Variants in MVB12B observed in about 807,000 individuals in gnomAD.
MVB12B encodes multivesicular body subunit 12B.
Under a neutral mutation model 41.6 loss-of-function variants are expected in MVB12B, and 16 were observed. The ratio of observed to expected loss-of-function variants is 0.38; its 90% CI spans 0.26 to 0.58. The LOEUF is 0.58. Among genes scored for constraint, MVB12B ranks in the 20% least tolerant of loss-of-function variants. The pLI is 0.62. For synonymous variants in MVB12B, 133 were observed against 139.7 expected (o/e 0.95, Z 0.34); for missense variants, 274 against 380.2 (o/e 0.72, Z 2.32).
chr9:126,484,257 C>G (rs1833588193), intron 9 of MVB12B, among the ~76,000 whole-genome samples: 1 of 152,258 alleles, frequency 6.6e-6, no homozygotes, highest in Non-Finnish European at 1.5e-5. Flanking sequence ...CACATCTTGT[C>G]TTCTCTAAGT....
At chr9:126,434,526 G>A (rs1051052660) in intron 7 of MVB12B, among the ~76,000 whole-genome samples, 5 of 152,150 alleles carry the variant, frequency 3.3e-5, no homozygotes, top group Non-Finnish European at 5.9e-5. Context: ...CCTAAGCATC[G>A]CTTCTGGTGA....
chr9:126,387,108 T>C (rs1319631418), intron 4 of MVB12B, among the ~76,000 whole-genome samples: 3 of 152,220 alleles, frequency 2.0e-5, no homozygotes, highest in Middle Eastern at 3.4e-3. Context: ...TCAAAAAGAC[T>C]GCAAATTAAA....
intron 7 of MVB12B, among the ~76,000 whole-genome samples, chr9:126,427,261 A>C (rs1327757604): frequency 6.6e-6 from 1 of 152,106 alleles, no homozygotes; most frequent in Non-Finnish European, 1.5e-5. Context: ...ATGAATCTAA[A>C]ATGTCTGAAA....
chr9:126,340,581 G>C lies in MVB12B; in HGVS notation c.155G>C (p.Gly52Ala), dbSNP rs754094585. The C allele has an allele frequency of 3.7e-6, 6 of 1,614,102 alleles. No individual in the cohort carries two copies. Among genetic ancestry groups the C allele is most frequent in the Non-Finnish European group, 5.1e-6 (6 of 1,180,030 alleles). ...GAAACGTCAATGGATCCCATCACGG[G>C]AGTCGGGGTGGTGGCTTCTCGGAAC... The part of the protein sequence containing the change: ...LPETSMDPIT[G>A]VGVVASRNRA... Residue 52 changes from glycine to alanine, a missense_variant, in exon 2 of 10, where the codon GGA becomes GCA. Transcript: ENST00000361171. This position sits in a 1 kb window ranked among gnomAD's most constrained non-coding sequence, Gnocchi z 4.0.
intron 7 of MVB12B, among the ~76,000 whole-genome samples, chr9:126,465,989 AAG>A (rs1308554043): frequency 2.0e-5 from 3 of 152,206 alleles, no homozygotes; most frequent in Admixed American, 6.5e-5. Context: ...TAAAGATACA[AAG>A]AGAGCAGTTT....
intron 2 of MVB12B, 60 bp from the exon 3 acceptor site, chr9:126,381,004 G>A (rs1830620454): frequency 5.9e-6 from 8 of 1,365,132 alleles, no homozygotes; most frequent in South Asian, 2.3e-5. Flanking sequence ...AGTGGCCCAC[G>A]CGCACCTTCA....
At chr9:126,434,379 C>G (rs1275105878) in intron 7 of MVB12B, among the ~76,000 whole-genome samples, 1 of 152,190 alleles carries the variant, frequency 6.6e-6, no homozygotes, top group Non-Finnish European at 1.5e-5. Context: ...ATACAGAACT[C>G]TCCTCCAAGG....
chr9:126,488,054 G>A (rs961788401), intron 9 of MVB12B, among the ~76,000 whole-genome samples: 2 of 152,164 alleles, frequency 1.3e-5, no homozygotes, highest in South Asian at 2.1e-4. Flanking sequence ...GCTTTTCTCC[G>A]TAAATAAACC....
chr9:126,450,148 G>A (rs1832862675), intron 7 of MVB12B, among the ~76,000 whole-genome samples: 1 of 152,226 alleles, frequency 6.6e-6, no homozygotes, highest in Non-Finnish European at 1.5e-5. Flanking sequence ...CCCAAAGCCT[G>A]GGAGGGCCCA....
chr9:126,346,000 C>T (rs750053888), intron 2 of MVB12B, among the ~76,000 whole-genome samples: 1 of 152,188 alleles, frequency 6.6e-6, no homozygotes, highest in Non-Finnish European at 1.5e-5. Context: ...GGCTGGGCTC[C>T]ATCAGGTGAG....
chr9:126,423,379 T>C (rs1832080805), intron 7 of MVB12B, among the ~76,000 whole-genome samples: 1 of 152,264 alleles, frequency 6.6e-6, no homozygotes, highest in Admixed American at 6.5e-5. Flanking sequence ...GGAACACTGC[T>C]GTCTGCCTCT....
intron 2 of MVB12B, among the ~76,000 whole-genome samples, chr9:126,355,898 A>G (rs1393414038): frequency 3.3e-5 from 5 of 152,208 alleles, no homozygotes; most frequent in Non-Finnish European, 5.9e-5. Context: ...AAACATTTTT[A>G]TCACCCCAAA....
chr9:126,430,564 G>C (rs762573486), intron 7 of MVB12B, among the ~76,000 whole-genome samples: 1 of 149,828 alleles, frequency 6.7e-6, no homozygotes, highest in Non-Finnish European at 1.5e-5. Context: ...TAGAGAGAAT[G>C]GAGGCTCCCC....
intron 9 of MVB12B, among the ~76,000 whole-genome samples, chr9:126,487,622 A>G (rs1833647045): frequency 1.3e-5 from 2 of 152,140 alleles, no homozygotes; most frequent in African/African-American, 4.8e-5. Flanking sequence ...AAAAATAGCC[A>G]GGCTTGGTGG....
chr9:126,483,371 A>G (rs1588205891), intron 8 of MVB12B, among the ~76,000 whole-genome samples: 1 of 152,238 alleles, frequency 6.6e-6, no homozygotes, highest in African/African-American at 2.4e-5. Flanking sequence ...AAAAACTCTC[A>G]TTAAAATGCA....
intron 7 of MVB12B, among the ~76,000 whole-genome samples, chr9:126,452,025 C>T (rs1484225330): frequency 6.6e-6 from 1 of 152,172 alleles, no homozygotes; most frequent in Non-Finnish European, 1.5e-5. Context: ...CAAGTTGAAC[C>T]GTACCATCAA....
At chr9:126,381,236 T>C (rs923317491) in intron 3 of MVB12B, 65 bp downstream of exon 3, 2 of 1,157,590 alleles carry the variant, frequency 1.7e-6, no homozygotes, top group East Asian at 2.4e-5. Flanking sequence ...TGTTTGGAAT[T>C]TCCTCATTTT....
intron 7 of MVB12B, among the ~76,000 whole-genome samples, chr9:126,452,839 T>C (rs933214793): frequency 7.2e-5 from 11 of 151,872 alleles, no homozygotes; most frequent in African/African-American, 2.7e-4. Context: ...AAAGAAAAAA[T>C]AAATGAAATG....
chr9:126,386,447 C>T lies in MVB12B; in HGVS notation c.313-115C>T. The T allele has an allele frequency of 1.5e-6, 1 of 677,982 alleles. No individual in the cohort carries two copies. The allele number at this position is 677,982 out of a possible 1,614,324, so 42.0% of individuals were successfully genotyped here. ...AGTGTCACCTACTCTAATTAACCTG[C>T]TGTCATAAAGCTGCACGAGTCATTG... On this transcript the variant is annotated intron_variant, in intron 3 of 9. Transcript: ENST00000361171. This position sits in a 1 kb window ranked among gnomAD's most constrained non-coding sequence, Gnocchi z 4.3.
Sources: gnomAD v4.1 joint callset for allele counts (sites outside exome capture counted in the v4.1 genomes callset) on GRCh38, gnomAD v4.1.1 for gene constraint, Gnocchi (gnomAD v3.1) non-coding constraint, MANE v1.5 for transcripts, NCBI Gene and HGNC (gene_info 2026-07-23, HGNC 2026-07-21) for gene names.